The following NRG1 variants were observed in gnomAD, a reference collection of about 807,000 sequenced individuals.
The protein encoded by NRG1 is pro-neuregulin-1, membrane-bound isoform.
Under a neutral mutation model 63.8 loss-of-function variants are expected in NRG1, and 18 were observed. The observed-to-expected ratio is 0.28, with a 90% CI of 0.19 to 0.42. The LOEUF (loss-of-function observed/expected upper bound fraction) is 0.42. Among genes scored for constraint, NRG1 ranks in the 10% least tolerant of loss-of-function variants. The pLI, the probability that NRG1 is intolerant of heterozygous loss-of-function variation, is 1.00. For missense variants in NRG1, 762 were observed against 814.7 expected, an observed-to-expected ratio of 0.94 and a Z score of 0.79; for synonymous variants, 302 against 301.3, an observed-to-expected ratio of 1.00 and a Z score of -0.02.
Position 32,729,847 on chromosome 8 carries a change from C to A in NRG1, c.632+1769C>A, listed in dbSNP as rs184903215. 5.0e-3 allele frequency among the ~76,000 whole-genome samples: 757 copies of A among 152,264 alleles called. 10 individuals carry two copies. Among genetic ancestry groups the A allele is most frequent in the African/African-American group, 0.017 (719 of 41,542 alleles). On this transcript the variant is annotated intron_variant, in intron 6 of 11. Coordinates refer to ENST00000356819, the Ensembl canonical transcript of NRG1. ...TGTGGTAGATTGGGCGTGTCTGTAG[C>A]GTGCCTGATGGGACCTCATGGCTCT... is the stretch of plus-strand genomic sequence containing the variant.
At chr8:31,784,951 T>C (rs1454975126) in intron 1 of NRG1, among the ~76,000 whole-genome samples, 2 of 152,178 alleles carry the variant, frequency 1.3e-5, no homozygotes, top group African/African-American at 4.8e-5. Context: ...TCTTTCCCTT[T>C]ATCACACTTT....
At chr8:32,527,784 A>C (rs998063753) in intron 1 of NRG1, among the ~76,000 whole-genome samples, 3 of 152,192 alleles carry the variant, frequency 2.0e-5, no homozygotes, top group African/African-American at 7.2e-5. Context: ...AATAAATGTC[A>C]CTACCTTCCA....
chr8:32,727,899 A>T, intron 5 of NRG1, 50 bp from the exon 6 acceptor site: 1 of 1,587,536 alleles, frequency 6.3e-7, no homozygotes, highest in Non-Finnish European at 8.6e-7. Flanking sequence ...GGCTGCTTAG[A>T]AGGGGGAAAA....
chr8:31,827,637 G>C (rs1338979848), intron 1 of NRG1, among the ~76,000 whole-genome samples: 1 of 152,118 alleles, frequency 6.6e-6, no homozygotes, highest in Non-Finnish European at 1.5e-5. Context: ...TTTTTCTCTG[G>C]CAACACTTGG....
At chr8:32,439,729 A>G (rs1421451461) in intron 1 of NRG1, among the ~76,000 whole-genome samples, 2 of 151,860 alleles carry the variant, frequency 1.3e-5, no homozygotes, top group Non-Finnish European at 2.9e-5. Context: ...AATCTACCCT[A>G]GAGCAAAAAT....
intron 1 of NRG1, among the ~76,000 whole-genome samples, chr8:31,749,629 G>A (rs1470850363): frequency 4.6e-5 from 7 of 151,132 alleles, no homozygotes; most frequent in Non-Finnish European, 3.0e-5. Context: ...AAAAGTTAAT[G>A]TTTTGTTTTG....
At position 32,272,410 on chromosome 8, in the gene NRG1, G is replaced by A. The variant is rs147136102; in HGVS notation, c.38-323418G>A. Among the ~76,000 whole-genome samples the A allele has an allele frequency of 3.7e-4, 56 of 152,292 alleles. 1 individual carries two copies. In the East Asian group the frequency reaches 7.9e-3, roughly 22 times the overall value. ...CCCCACCTCCAAATATCAACACATT[G>A]GGAGTTAGGGCTTCAACCCATGAAT... is the stretch of plus-strand genomic sequence containing the variant. On this transcript the variant is annotated intron_variant, in intron 1 of 10. Transcript: ENST00000519301.
At chr8:32,012,037 T>C (rs745696216) in intron 1 of NRG1, among the ~76,000 whole-genome samples, 48 of 152,140 alleles carry the variant, frequency 3.2e-4, no homozygotes, top group Admixed American at 2.0e-3. Context: ...GGCTACAAAG[T>C]CTTTCTTGAC....
chr8:31,992,412 G>A (rs976093364), intron 1 of NRG1, among the ~76,000 whole-genome samples: 2 of 152,000 alleles, frequency 1.3e-5, no homozygotes, highest in Non-Finnish European at 2.9e-5. Context: ...CTCTAACCAT[G>A]TGTATCACAT....
chr8:32,288,043 G>A (rs1853747205), intron 1 of NRG1, among the ~76,000 whole-genome samples: 1 of 152,172 alleles, frequency 6.6e-6, no homozygotes, highest in African/African-American at 2.4e-5. Flanking sequence ...ATGTACTAGT[G>A]ATTAGAACCA....
intron 5 of NRG1, among the ~76,000 whole-genome samples, chr8:32,727,329 A>G (rs950019248): frequency 7.2e-5 from 11 of 152,198 alleles, no homozygotes; most frequent in African/African-American, 2.4e-4. Context: ...TGGCGTTTGG[A>G]CATTCAACCA....
At chr8:32,205,785 G>C (rs1409472251) in intron 1 of NRG1, among the ~76,000 whole-genome samples, 1 of 152,020 alleles carries the variant, frequency 6.6e-6, no homozygotes. Context: ...ACAAGGCTTT[G>C]AGAAAGAAAC....
At chr8:32,256,007 C>T (rs1202398536) in intron 1 of NRG1, among the ~76,000 whole-genome samples, 1 of 152,120 alleles carries the variant, frequency 6.6e-6, no homozygotes, top group Non-Finnish European at 1.5e-5. Context: ...ATTCAGCTGT[C>T]GATACTTGTG....
chr8:32,262,986 C>T (rs1007070491), intron 1 of NRG1, among the ~76,000 whole-genome samples: 11 of 152,098 alleles, frequency 7.2e-5, no homozygotes, highest in African/African-American at 2.7e-4. Flanking sequence ...GCACGTGGTA[C>T]CTTCTCTTCT....
At chr8:32,670,589 C>A (rs2466088) in intron 5 of NRG1, among the ~76,000 whole-genome samples, 1 of 152,192 alleles carries the variant, frequency 6.6e-6, no homozygotes, top group Admixed American at 6.5e-5. Flanking sequence ...TATTAGAAGA[C>A]GTCAATGTTA....
At chr8:32,176,347 A>C (rs932254743) in intron 1 of NRG1, among the ~76,000 whole-genome samples, 6 of 152,180 alleles carry the variant, frequency 3.9e-5, no homozygotes, top group Admixed American at 1.3e-4. Flanking sequence ...TAAAGACTTA[A>C]ATGTTAGACC....
chr8:32,688,282 C>A (rs912585403), intron 5 of NRG1, among the ~76,000 whole-genome samples: 1 of 152,142 alleles, frequency 6.6e-6, no homozygotes, highest in Non-Finnish European at 1.5e-5. Context: ...CATGGCTTTT[C>A]CCACGTAAGC....
At chr8:31,894,380 A>T (rs1831388967) in intron 1 of NRG1, among the ~76,000 whole-genome samples, 1 of 152,136 alleles carries the variant, frequency 6.6e-6, no homozygotes, top group Non-Finnish European at 1.5e-5. Context: ...CAGGCATTAT[A>T]ATTATGTCTT....
intron 1 of NRG1, among the ~76,000 whole-genome samples, chr8:31,699,210 A>G (rs925821007): frequency 5.3e-5 from 8 of 151,784 alleles, no homozygotes; most frequent in African/African-American, 1.9e-4. Context: ...TTTTTTCCTC[A>G]TTATAAAAAT....
Sources: allele counts gnomAD v4.1 joint callset (sites outside exome capture counted in the v4.1 genomes callset), GRCh38; gene constraint gnomAD v4.1.1; transcripts MANE v1.5; gene names NCBI Gene and HGNC (gene_info 2026-07-23, HGNC 2026-07-21).